The following KIF5C variants were observed in gnomAD, a reference collection of about 807,000 sequenced individuals.
KIF5C encodes the protein kinesin family member 5C, also known as kinesin heavy chain isoform 5C.
In KIF5C, 18 loss-of-function variants were observed where a neutral mutation model predicts 125.2. The ratio of observed to expected loss-of-function variants is 0.14; its 90% confidence interval spans 0.10 to 0.21. The LOEUF (loss-of-function observed/expected upper bound fraction) is 0.21, where lower values mean the gene tolerates loss of function less well. Among genes scored for constraint, KIF5C ranks in the 10% least tolerant of loss-of-function variants. KIF5C has a pLI of 1.00. For missense variants in KIF5C, 780 were observed against 1,183.8 expected, an observed-to-expected ratio of 0.66 and a Z score of 5.01; for synonymous variants, 405 against 434.0, an observed-to-expected ratio of 0.93 and a Z score of 0.83.
At chr2:148,963,691 C>T (rs961408453) in intron 11 of KIF5C, among the ~76,000 whole-genome samples, 5 of 152,228 alleles carry the variant, frequency 3.3e-5, no homozygotes, top group African/African-American at 1.2e-4. Context: ...CGGGAATCCT[C>T]CAGGTCAGTT....
chr2:148,941,734 T>A, intron 5 of KIF5C, 76 bp downstream of exon 5: 1 of 1,520,796 alleles, frequency 6.6e-7, no homozygotes, highest in Non-Finnish European at 8.8e-7. Flanking sequence ...TTATCACACT[T>A]CTGCTTAAGG....
intron 21 of KIF5C, among the ~76,000 whole-genome samples, chr2:149,002,676 C>T (rs1017239384): frequency 1.3e-5 from 2 of 151,990 alleles, no homozygotes; most frequent in African/African-American, 4.8e-5. Context: ...TGTACACTTA[C>T]ACAGATGCTG....
chr2:149,000,356 G>A (rs1274999678), intron 19 of KIF5C, 67 bp from the exon 20 acceptor site: 2 of 1,527,780 alleles, frequency 1.3e-6, no homozygotes, highest in South Asian at 2.4e-5. Context: ...CAGAACCACG[G>A]TTTTAGCCTG....
intron 25 of KIF5C, among the ~76,000 whole-genome samples, chr2:149,014,185 C>G (rs1275186001): frequency 6.6e-6 from 1 of 152,146 alleles, no homozygotes; most frequent in Non-Finnish European, 1.5e-5. Context: ...CCACCATGCC[C>G]AGCTAGTTTT....
intron 1 of KIF5C, among the ~76,000 whole-genome samples, chr2:148,900,341 A>T (rs144341573): frequency 1.5e-3 from 228 of 152,272 alleles, no homozygotes; most frequent in African/African-American, 5.1e-3. Context: ...CAGTCCAGTG[A>T]TCTAGTCATG....
At chr2:148,932,951 A>C (rs140893676) in intron 3 of KIF5C, among the ~76,000 whole-genome samples, 25,065 of 152,072 alleles carry the variant, frequency 0.16, 3,520 homozygotes, top group African/African-American at 0.38. Flanking sequence ...TGTGCTCCTA[A>C]AAGATCACAT....
Position 148,985,022 on chromosome 2 carries a change from C to T in KIF5C, c.1716+1256C>T, listed in dbSNP as rs183002313. On this transcript the variant is annotated intron_variant, in intron 15 of 25. Transcript: ENST00000435030. The stretch of plus-strand genomic sequence containing the variant: ...TTCTCCATATTGGCCAGGCTGGTCT[C>T]GAATTCCTGGCCTCAAGTGATTCGC... 4.5e-3 allele frequency among the ~76,000 whole-genome samples: 681 copies of T among 152,110 alleles called. 21 individuals carry two copies. Among genetic ancestry groups the T allele is most frequent in the Admixed American group, 0.036 (556 of 15,278 alleles).
At chr2:148,899,819 T>TTC (rs34222140) in intron 1 of KIF5C, among the ~76,000 whole-genome samples, 1,871 of 152,276 alleles carry the variant, frequency 0.012, 34 homozygotes, top group African/African-American at 0.043. Flanking sequence ...GGGTATTTCT[T>TTC]TCCTGAATTC....
intron 25 of KIF5C, among the ~76,000 whole-genome samples, chr2:149,018,550 T>G (rs1682436996): frequency 1.3e-5 from 2 of 152,182 alleles, no homozygotes. Context: ...ATCAATAGAC[T>G]GGGTATGGTG....
intron 7 of KIF5C, among the ~76,000 whole-genome samples, chr2:148,946,215 G>A (rs1682517481): frequency 6.6e-6 from 1 of 152,058 alleles, no homozygotes; most frequent in African/African-American, 2.4e-5. Flanking sequence ...AATCTTTAGG[G>A]CTTTTTACAT....
At chr2:148,885,540 C>A (rs1055788304) in intron 1 of KIF5C, 4 of 152,222 alleles carry the variant, frequency 2.6e-5, no homozygotes, top group African/African-American at 9.7e-5. Context: ...ATTACCTTTT[C>A]CGCCAGTGCA....
chr2:148,927,485 G>GGT (rs368235008), intron 2 of KIF5C, among the ~76,000 whole-genome samples: 6,662 of 149,632 alleles, frequency 0.045, 378 homozygotes, highest in African/African-American at 0.13. Context: ...GCCCTTTCAG[G>GGT]GTGTGTGTGT....
chr2:148,975,008 C>T lies in KIF5C; in HGVS notation c.1293+1497C>T, dbSNP rs117395178. ...ATGAAAATGCCATGTCCAAAGCATTCAGTTGGTAGCTGAAGAGCTGGCTTG... is the reference window on the plus strand; with the variant it reads ...ATGAAAATGCCATGTCCAAAGCATTTAGTTGGTAGCTGAAGAGCTGGCTTG... On this transcript the variant is annotated intron_variant, in intron 12 of 25. Transcript: ENST00000435030. Among the ~76,000 whole-genome samples the T allele has an allele frequency of 6.3e-3, 958 of 152,320 alleles. 17 individuals carry two copies. In the Middle Eastern group the frequency reaches 0.065, roughly 10 times the overall value.
chr2:148,968,121 A>G (rs1485377928), intron 11 of KIF5C, among the ~76,000 whole-genome samples: 1 of 152,222 alleles, frequency 6.6e-6, no homozygotes, highest in African/African-American at 2.4e-5. Flanking sequence ...GTGTCAGAAC[A>G]AGGAAATGAC....
chr2:148,891,154 T>A (rs1286919808), intron 1 of KIF5C, among the ~76,000 whole-genome samples: 1 of 152,230 alleles, frequency 6.6e-6, no homozygotes, highest in Non-Finnish European at 1.5e-5. Context: ...AGTAGTTTCA[T>A]GTCTGTTGAA....
intron 11 of KIF5C, among the ~76,000 whole-genome samples, chr2:148,963,656 G>A (rs1682981218): frequency 6.6e-6 from 1 of 152,124 alleles, no homozygotes; most frequent in African/African-American, 2.4e-5. Context: ...GGCAAGGTGG[G>A]GAGTAGCCAT....
At chr2:148,911,396 T>A (rs1681331969) in intron 1 of KIF5C, among the ~76,000 whole-genome samples, 1 of 152,248 alleles carries the variant, frequency 6.6e-6, no homozygotes, top group South Asian at 2.1e-4. Context: ...AAGGCCGGGC[T>A]GGTGCACAAT....
intron 4 of KIF5C, among the ~76,000 whole-genome samples, chr2:148,938,616 C>T (rs186826583): frequency 1.4e-4 from 22 of 152,234 alleles, no homozygotes; most frequent in African/African-American, 4.6e-4. Context: ...CCCCCTTGCC[C>T]GATGAGCTGT....
At chr2:148,928,316 C>T (rs546156664) in intron 2 of KIF5C, among the ~76,000 whole-genome samples, 3 of 152,242 alleles carry the variant, frequency 2.0e-5, no homozygotes, top group South Asian at 4.1e-4. Flanking sequence ...GGGTCCTTCT[C>T]CCTGCCTCTA....
Sources: allele counts gnomAD v4.1 joint callset (sites outside exome capture counted in the v4.1 genomes callset), GRCh38; gene constraint gnomAD v4.1.1; transcripts MANE v1.5; gene names NCBI Gene and HGNC (gene_info 2026-07-23, HGNC 2026-07-21).